The following NRBP1 variants were observed in gnomAD, a reference collection of about 807,000 sequenced individuals.
NRBP1 encodes the protein nuclear receptor binding protein 1.
NRBP1 carries 10 observed loss-of-function variants against 76.0 expected under a neutral mutation model. The observed-to-expected ratio is 0.13, with a 90% confidence interval of 0.08 to 0.22. The LOEUF (loss-of-function observed/expected upper bound fraction) is 0.22. NRBP1 is among the 10% of genes least tolerant of loss of function. The pLI, the probability that NRBP1 is intolerant of heterozygous loss-of-function variation, is 1.00. For synonymous variants in NRBP1, 235 were observed against 240.2 expected, an observed-to-expected ratio of 0.98 and a Z score of 0.20; for missense variants, 344 against 646.0, an observed-to-expected ratio of 0.53 and a Z score of 5.07.
chr2:27,439,569 A>G (rs1441519691), intron 10 of NRBP1, among the ~76,000 whole-genome samples, 197 bp from the exon 11 acceptor site: 1 of 151,604 alleles, frequency 6.6e-6, no homozygotes, highest in Non-Finnish European at 1.5e-5. Flanking sequence ...CCAGAAAGGC[A>G]GTGGATGGTA....
chr2:27,440,366 A>C, intron 11 of NRBP1, 37 bp from the exon 12 acceptor site: 12 of 1,348,946 alleles, frequency 8.9e-6, no homozygotes, highest in Non-Finnish European at 1.1e-5. Flanking sequence ...TAATCTGACT[A>C]TCCCTTCATA....
At position 27,441,678 on chromosome 2, in the gene NRBP1, C is replaced by T. The variant is rs578042609; in HGVS notation, c.1504-30C>T. 7 of 1,609,540 alleles carry T rather than the reference C, an allele frequency of 4.3e-6. No individual in the cohort carries two copies. The South Asian group carries it at 6.6e-5, about 15-fold the overall frequency. On this transcript the variant is annotated intron_variant, in intron 17 of 17. Transcript: ENST00000379852. Reference sequence around the variant, plus strand: ...GCCCCCATGCCTTCTCTTCTCTCAGCCCCCATCTTACTGAGCTCTTCTCCC... The same window carrying T: ...GCCCCCATGCCTTCTCTTCTCTCAGTCCCCATCTTACTGAGCTCTTCTCCC...
chr2:27,441,932 A>G lies in NRBP1; in HGVS notation c.*120A>G. ...AAGCCCCTTCCCTCCTTTATTATTC[A>G]GGAGGGCTGGGGGGGCTCCCTGGTT... On this transcript the variant is annotated 3_prime_UTR_variant, in exon 18 of 18. Transcript: ENST00000379852. 1.5e-6 allele frequency: 1 copy of G among 679,730 alleles called. No individual in the cohort carries two copies. The highest frequency in any genetic ancestry group is 2.6e-6 in the Non-Finnish European group (1 of 383,658). The allele number at this position is 679,730 out of a possible 1,614,324, so 42.1% of individuals were successfully genotyped here. A position where few individuals can be genotyped will look rare whatever the true frequency, so the allele number is the denominator to read the frequency against.
chr2:27,434,209 G>C (rs924886558), intron 4 of NRBP1, 119 bp downstream of exon 4: 7 of 852,142 alleles, frequency 8.2e-6, no homozygotes, highest in Middle Eastern at 3.5e-4. Context: ...ACTGGAATCA[G>C]CTGCAATGGC....
At chr2:27,434,606 GGTT>G (rs1664236459) in intron 5 of NRBP1, 46 bp downstream of exon 5, 1 of 1,597,910 alleles carries the variant, frequency 6.3e-7, no homozygotes, top group Admixed American at 1.7e-5. Context: ...TTTTGGGGGT[GGTT>G]TTAAAAAGGA....
At chr2:27,434,668 G>A in intron 5 of NRBP1, 54 bp from the exon 6 acceptor site, 2 of 1,609,202 alleles carry the variant, frequency 1.2e-6, no homozygotes, top group Non-Finnish European at 8.5e-7. Flanking sequence ...GAGCTAGTGG[G>A]AGAGAGTTAA....
rs193140146 is a variant in NRBP1, at chr2:27,435,797, C to T, written c.661+570C>T. 4.7e-5 allele frequency: 34 copies of T among 717,540 alleles called. 1 individual carries two copies. Among genetic ancestry groups the T allele is most frequent in the Non-Finnish European group, 7.8e-6 (3 of 385,104 alleles). The allele number at this position is 717,540 out of a possible 1,614,324, so 44.4% of individuals were successfully genotyped here. On this transcript the variant is annotated intron_variant, in intron 7 of 17. Coordinates refer to ENST00000379852, the MANE Select transcript of NRBP1 (RefSeq NM_013392.4). ...GGGCTCTGTTTGTGCTCCCTCTGCTCCCTTGGCGGCTGCCCAGTGCATGCA... is the reference window on the plus strand; with the variant it reads ...GGGCTCTGTTTGTGCTCCCTCTGCTTCCTTGGCGGCTGCCCAGTGCATGCA...
intron 1 of NRBP1, among the ~76,000 whole-genome samples, chr2:27,429,019 G>T (rs1663989930): frequency 6.6e-6 from 1 of 150,784 alleles, no homozygotes. Context: ...CTCCGGCTGC[G>T]AGAGGCGGGG....
At chr2:27,434,274 G>A (rs1181408024) in intron 4 of NRBP1, among the ~76,000 whole-genome samples, 184 bp downstream of exon 4, 2 of 152,228 alleles carry the variant, frequency 1.3e-5, no homozygotes, top group South Asian at 2.1e-4. Flanking sequence ...TATAGATTGG[G>A]CAGAAAATGA....
intron 7 of NRBP1, 117 bp from the exon 8 acceptor site, chr2:27,436,636 T>C: frequency 3.8e-6 from 3 of 792,284 alleles, no homozygotes; most frequent in Non-Finnish European, 4.4e-6. Context: ...TTTGTGCCTG[T>C]TGAGGGTCAT....
chr2:27,428,622 C>A (rs1006791646), upstream of NRBP1: 1 of 397,804 alleles, frequency 2.5e-6, no homozygotes, highest in Admixed American at 4.4e-5. Context: ...AGGGCGGGGC[C>A]CGCAGTTCGG....
intron 4 of NRBP1, 34 bp from the exon 5 acceptor site, chr2:27,434,437 A>T: frequency 7.2e-7 from 1 of 1,392,046 alleles, no homozygotes; most frequent in Non-Finnish European, 1.0e-6. Context: ...CATTTCTACT[A>T]TAAGGCCTTT....
chr2:27,441,045 A>G lies in NRBP1; in HGVS notation c.1330-82A>G, dbSNP rs993323215. 6.8e-6 allele frequency: 11 copies of G among 1,608,156 alleles called. No individual in the cohort carries two copies. In the African/African-American group the frequency reaches 1.2e-4, roughly 18 times the overall value. ...TTAGAGAAAATGCTCCCTAGCAGCC[A>G]TGCCCTATGGGCTCGAAAGACGTCT... On this transcript the variant is annotated intron_variant, in intron 14 of 17. Coordinates refer to ENST00000379852, the MANE Select transcript of NRBP1 (RefSeq NM_013392.4).
chr2:27,437,234 CT>C (rs748395007), intron 9 of NRBP1, 27 bp from the exon 10 acceptor site: 5,772 of 1,275,200 alleles, frequency 4.5e-3, no homozygotes, highest in Non-Finnish European at 5.1e-3. Flanking sequence ...TAGGTGTCTA[CT>C]TTTTTTTTTA....
chr2:27,436,621 A>G, intron 7 of NRBP1, 132 bp from the exon 8 acceptor site: 1 of 707,034 alleles, frequency 1.4e-6, no homozygotes. Context: ...AGGAAAGGGA[A>G]TATGTTTGTG....
intron 16 of NRBP1, 104 bp downstream of exon 16, chr2:27,441,434 A>T (rs1313993581): frequency 7.1e-7 from 1 of 1,405,674 alleles, no homozygotes; most frequent in Admixed American, 1.7e-5. Context: ...ACATTGACTC[A>T]CATAGAATGA....
intron 4 of NRBP1, 117 bp from the exon 5 acceptor site, chr2:27,434,354 G>C (rs1664228548): frequency 1.2e-6 from 1 of 825,270 alleles, no homozygotes; most frequent in African/African-American, 1.7e-5. Context: ...GTCTAAGTAA[G>C]TAAAGCTAAG....
chr2:27,430,147 A>C (rs1156327071), intron 1 of NRBP1, among the ~76,000 whole-genome samples: 1 of 152,132 alleles, frequency 6.6e-6, no homozygotes. Flanking sequence ...GATTACAGGC[A>C]TGAGCCAGCG....
At chr2:27,437,410 C>G in intron 10 of NRBP1, 50 bp downstream of exon 10, 1 of 1,388,588 alleles carries the variant, frequency 7.2e-7, no homozygotes, top group Non-Finnish European at 1.0e-6. Flanking sequence ...CAAATGTCTT[C>G]TGGTTTTTCT....
Sources: allele counts gnomAD v4.1 joint callset (sites outside exome capture counted in the v4.1 genomes callset), GRCh38; gene constraint gnomAD v4.1.1; transcripts MANE v1.5; gene names NCBI Gene and HGNC (gene_info 2026-07-23, HGNC 2026-07-21).